Variants in PTPRG observed in about 807,000 individuals in gnomAD.
The protein encoded by PTPRG is protein tyrosine phosphatase receptor type G, also known as receptor-type tyrosine-protein phosphatase gamma.
PTPRG carries 102 observed loss-of-function variants against 165.3 expected under a neutral mutation model. The ratio of observed to expected loss-of-function variants is 0.62; its 90% confidence interval spans 0.53 to 0.73. PTPRG has a LOEUF of 0.73. PTPRG is among the 30% of genes least tolerant of loss of function. The pLI, the probability that PTPRG is intolerant of heterozygous loss-of-function variation, is 0.00. For missense variants in PTPRG, 1,866 were observed against 1,861.4 expected (o/e 1.00, Z -0.05); for synonymous variants, 675 against 669.5 (o/e 1.01, Z -0.13).
chr3:62,204,919 T>C (rs1191014179), intron 12 of PTPRG, among the ~76,000 whole-genome samples: 1 of 152,192 alleles, frequency 6.6e-6, no homozygotes, highest in African/African-American at 2.4e-5. Context: ...AGGGCTTTTC[T>C]TAATAAGAAA....
intron 1 of PTPRG, among the ~76,000 whole-genome samples, chr3:61,676,504 C>T (rs977655137): frequency 8.1e-6 from 1 of 122,882 alleles, no homozygotes; most frequent in Non-Finnish European, 1.8e-5. Context: ...GAAATTAGTA[C>T]ATTTTCTGAA....
chr3:61,994,408 C>T (rs1005868327), intron 3 of PTPRG, among the ~76,000 whole-genome samples: 1 of 152,164 alleles, frequency 6.6e-6, no homozygotes, highest in Admixed American at 6.5e-5. Flanking sequence ...CTTTCATCTT[C>T]TCACATTGTA....
At chr3:62,011,193 C>T (rs2041414504) in intron 4 of PTPRG, among the ~76,000 whole-genome samples, 1 of 152,196 alleles carries the variant, frequency 6.6e-6, no homozygotes, top group Non-Finnish European at 1.5e-5. Context: ...TTATTTCCCT[C>T]CCGTGCATGT....
In PTPRG at chr3:61,573,259, G is replaced by A. The variant is rs189390694; in HGVS notation, c.85+10887G>A. Among the ~76,000 whole-genome samples the A allele has an allele frequency of 1.4e-4, 21 of 152,152 alleles. No individual in the cohort carries two copies. In the East Asian group the frequency reaches 4.1e-3, roughly 29 times the overall value. On this transcript the variant is annotated intron_variant, in intron 1 of 29. Transcript: ENST00000474889. Reference sequence around the variant, plus strand: ...CCCAAGAAGGGGTATGATGTCGGGGGACAAGGGGGGGAAAGCCAGTGACTA... The same window carrying A: ...CCCAAGAAGGGGTATGATGTCGGGGAACAAGGGGGGGAAAGCCAGTGACTA...
intron 4 of PTPRG, among the ~76,000 whole-genome samples, chr3:62,043,399 T>C (rs1700187299): frequency 6.6e-6 from 1 of 152,246 alleles, no homozygotes; most frequent in African/African-American, 2.4e-5. Context: ...ATGATTTTAA[T>C]GTGGTCATGT....
intron 1 of PTPRG, among the ~76,000 whole-genome samples, chr3:61,573,975 C>T (rs1158276230): frequency 6.6e-6 from 1 of 151,400 alleles, no homozygotes; most frequent in Non-Finnish European, 1.5e-5. Context: ...AATTAGAGGA[C>T]AAATGTCTAT....
chr3:61,954,106 G>A (rs1310312788), intron 2 of PTPRG, among the ~76,000 whole-genome samples: 3 of 152,236 alleles, frequency 2.0e-5, no homozygotes, highest in East Asian at 3.9e-4. Context: ...TTTTGACGAT[G>A]CCCTGCTTGG....
At chr3:61,820,014 AAG>A (rs1463036380) in intron 2 of PTPRG, among the ~76,000 whole-genome samples, 1 of 152,214 alleles carries the variant, frequency 6.6e-6, no homozygotes. Flanking sequence ...AATAATAAAA[AAG>A]AATACATTGG....
chr3:62,033,268 T>G (rs972261367), intron 4 of PTPRG, among the ~76,000 whole-genome samples: 6 of 152,116 alleles, frequency 3.9e-5, no homozygotes, highest in Non-Finnish European at 8.8e-5. Flanking sequence ...TTATTAAAGC[T>G]TCAGTTCAAA....
At chr3:62,165,177 C>A (rs1049788674) in intron 7 of PTPRG, among the ~76,000 whole-genome samples, 2 of 152,240 alleles carry the variant, frequency 1.3e-5, no homozygotes, top group Non-Finnish European at 2.9e-5. Context: ...ACCTTTTCCT[C>A]AGGCTAACCA....
intron 2 of PTPRG, among the ~76,000 whole-genome samples, chr3:61,950,031 C>T (rs1005229228): frequency 6.6e-6 from 1 of 152,236 alleles, no homozygotes; most frequent in African/African-American, 2.4e-5. Flanking sequence ...CAGGCATGAG[C>T]CACTGAGCCC....
intron 1 of PTPRG, among the ~76,000 whole-genome samples, chr3:61,701,053 G>C (rs1008011237): frequency 2.0e-5 from 3 of 152,148 alleles, no homozygotes; most frequent in African/African-American, 7.2e-5. Context: ...TGCAGTGGGA[G>C]CTTTAATAGT....
At chr3:62,131,526 A>C (rs1286026916) in intron 5 of PTPRG, among the ~76,000 whole-genome samples, 1 of 152,190 alleles carries the variant, frequency 6.6e-6, no homozygotes, top group Non-Finnish European at 1.5e-5. Flanking sequence ...TGAAAACATC[A>C]AATTGGATTG....
chr3:61,779,921 G>T (rs962710287), intron 2 of PTPRG, among the ~76,000 whole-genome samples: 2 of 152,148 alleles, frequency 1.3e-5, no homozygotes, highest in Non-Finnish European at 2.9e-5. Context: ...GGCGATAATT[G>T]ATCAGAGTTA....
chr3:62,148,369 A>G (rs1238873616), intron 6 of PTPRG, among the ~76,000 whole-genome samples: 2 of 152,164 alleles, frequency 1.3e-5, no homozygotes, highest in Non-Finnish European at 2.9e-5. Context: ...GTCGGGCCCC[A>G]TGGCCACCAT....
chr3:62,064,131 C>T (rs1460279837), intron 4 of PTPRG, among the ~76,000 whole-genome samples: 1 of 150,086 alleles, frequency 6.7e-6, no homozygotes, highest in Non-Finnish European at 1.5e-5. Flanking sequence ...TCAAGGGAGA[C>T]TTTTTTTCCG....
intron 1 of PTPRG, among the ~76,000 whole-genome samples, chr3:61,689,476 CAAAT>C (rs2106647964): frequency 6.6e-6 from 1 of 152,294 alleles, no homozygotes; most frequent in East Asian, 1.9e-4. Context: ...GCAAGCACCT[CAAAT>C]AAATACATAG....
At chr3:61,885,424 T>C (rs2038001008) in intron 2 of PTPRG, among the ~76,000 whole-genome samples, 1 of 151,712 alleles carries the variant, frequency 6.6e-6, no homozygotes, top group Admixed American at 6.6e-5. Flanking sequence ...TAATTTCTTT[T>C]CCTATTTGTA....
At chr3:62,181,113 A>C (rs149875922) in intron 8 of PTPRG, among the ~76,000 whole-genome samples, 2 of 152,190 alleles carry the variant, frequency 1.3e-5, no homozygotes, top group Non-Finnish European at 2.9e-5. Flanking sequence ...TGTAGAAGAA[A>C]AGTCCGCAGG....
Sources: gnomAD v4.1 joint callset for allele counts (sites outside exome capture counted in the v4.1 genomes callset) on GRCh38, gnomAD v4.1.1 for gene constraint, MANE v1.5 for transcripts, NCBI Gene and HGNC (gene_info 2026-07-23, HGNC 2026-07-21) for gene names.